NOX3: variants seen among roughly 807,000 people sequenced by gnomAD.
NOX3 encodes NADPH oxidase 3, also known as NADPH oxidase catalytic subunit-like 3.
Under a neutral mutation model 76.7 loss-of-function variants are expected in NOX3, and 74 were observed. The observed-to-expected ratio is 0.96, with a 90% CI of 0.80 to 1.17. The LOEUF is 1.17. Among genes scored for constraint, NOX3 ranks in the 50% most tolerant of loss-of-function variants. NOX3 has a pLI of 0.00. For missense variants in NOX3, 695 were observed against 703.3 expected, an observed-to-expected ratio of 0.99 and a Z score of 0.13; for synonymous variants, 263 against 261.1, an observed-to-expected ratio of 1.01 and a Z score of -0.07.
At chr6:155,399,278 G>A (rs1280630454) in intron 12 of NOX3, among the ~76,000 whole-genome samples, 1 of 152,142 alleles carries the variant, frequency 6.6e-6, no homozygotes, top group Non-Finnish European at 1.5e-5. Context: ...CTGCTCTTTC[G>A]TTTGCAGCAA....
chr6:155,437,727 A>G (rs1159134541), intron 6 of NOX3, among the ~76,000 whole-genome samples: 1 of 152,214 alleles, frequency 6.6e-6, no homozygotes, highest in Admixed American at 6.5e-5. Context: ...ATAGTGTCTA[A>G]AAGAAGCCTC....
At chr6:155,405,473 C>T (rs1233158347) in intron 12 of NOX3, among the ~76,000 whole-genome samples, 2 of 152,180 alleles carry the variant, frequency 1.3e-5, no homozygotes, top group Admixed American at 6.5e-5. Context: ...TCCAAACAGT[C>T]CATGTGCTCA....
In NOX3 at chr6:155,429,044, C is replaced by A. The variant is rs1191226914; in HGVS notation, c.895G>T (p.Val299Leu). The change falls in exon 9 of 14, where the codon GTA becomes TTA. Residue 299 changes from valine (V) to leucine (L), a missense_variant. Transcript: ENST00000159060. ...FQQEVVITKV[V>L]SHPSGVLELH... is the part of the protein sequence containing the mutation. Reference sequence around the variant, plus strand: ...TCCAGGACTCCAGAGGGGTGGCTTACCACCTATGTGAGAGTGAGAGAGTTG... The same window carrying A: ...TCCAGGACTCCAGAGGGGTGGCTTAACACCTATGTGAGAGTGAGAGAGTTG... 4 of 1,590,184 alleles carry A rather than the reference C, an allele frequency of 2.5e-6. No individual in the cohort carries two copies. The South Asian group carries it at 4.5e-5, about 18-fold the overall frequency.
chr6:155,427,445 C>T (rs1393676413), intron 9 of NOX3, among the ~76,000 whole-genome samples: 1 of 152,200 alleles, frequency 6.6e-6, no homozygotes, highest in African/African-American at 2.4e-5. Context: ...TCCATATTGG[C>T]CCCAGGGCTT....
chr6:155,403,569 A>G (rs1779262438), intron 12 of NOX3, among the ~76,000 whole-genome samples: 1 of 152,174 alleles, frequency 6.6e-6, no homozygotes. Context: ...AAGGAGAGAG[A>G]GTTTGCATAG....
At chr6:155,454,782 G>T in intron 3 of NOX3, 29 bp downstream of exon 3, 2 of 1,289,060 alleles carry the variant, frequency 1.6e-6, no homozygotes, top group South Asian at 1.3e-5. Context: ...CGTAACAGTT[G>T]AGATTATTTC....
chr6:155,421,574 T>A (rs780881446), intron 10 of NOX3, among the ~76,000 whole-genome samples: 3 of 152,154 alleles, frequency 2.0e-5, no homozygotes, highest in Non-Finnish European at 4.4e-5. Context: ...TCTGCGGAAC[T>A]TTTTTTAGAG....
At chr6:155,438,862 G>A (rs1211082625) in intron 6 of NOX3, among the ~76,000 whole-genome samples, 2 of 152,234 alleles carry the variant, frequency 1.3e-5, no homozygotes, top group Non-Finnish European at 2.9e-5. Flanking sequence ...CTGTGGTGCG[G>A]GAACAGAGGA....
intron 4 of NOX3, among the ~76,000 whole-genome samples, chr6:155,451,934 C>G (rs1028963852): frequency 6.6e-6 from 1 of 152,134 alleles, no homozygotes; most frequent in African/African-American, 2.4e-5. Context: ...GGCCTCTTTT[C>G]TGATGTCTTT....
chr6:155,428,911 G>A lies in NOX3; in HGVS notation c.1028C>T (p.Ala343Val), dbSNP rs764157666. ...LEWHPFTLTSAPQEDFFSVHI... is the reference protein window; with the variant it reads ...LEWHPFTLTSVPQEDFFSVHI... ...CACGCTGAAAAAGTCCTCCTGGGGG[G>A]CAGAGGTAAGGGTGAAGGGGTGCCA... The change falls in exon 9 of 14, where the codon GCC (alanine) becomes GTC (valine). Residue 343 changes from alanine (A) to valine (V), a missense_variant. By Grantham distance (64) the Ala-to-Val change is moderately conservative. Coordinates refer to ENST00000159060, the MANE Select transcript of NOX3 (RefSeq NM_015718.3). 1.2e-6 allele frequency: 2 copies of A among 1,613,758 alleles called. No homozygotes were observed. Among genetic ancestry groups the A allele is most frequent in the African/African-American group, 2.7e-5 (2 of 74,884 alleles).
intron 5 of NOX3, among the ~76,000 whole-genome samples, chr6:155,441,395 A>G (rs1002252050): frequency 2.0e-5 from 3 of 152,244 alleles, no homozygotes; most frequent in Non-Finnish European, 2.9e-5. Flanking sequence ...ACCTTCAGGC[A>G]TTTTAGAAAT....
At chr6:155,429,813 G>A (rs975575485) in intron 8 of NOX3, among the ~76,000 whole-genome samples, 1 of 152,194 alleles carries the variant, frequency 6.6e-6, no homozygotes, top group African/African-American at 2.4e-5. Context: ...TACTGTGACA[G>A]TATTTTTCCG....
intron 10 of NOX3, among the ~76,000 whole-genome samples, chr6:155,413,358 G>C (rs970153478): frequency 6.6e-6 from 1 of 152,004 alleles, no homozygotes; most frequent in African/African-American, 2.4e-5. Context: ...GGGGAGGGCT[G>C]GGGGAGCCAT....
intron 12 of NOX3, among the ~76,000 whole-genome samples, chr6:155,401,019 A>G (rs189189589): frequency 6.6e-6 from 1 of 152,344 alleles, no homozygotes; most frequent in African/African-American, 2.4e-5. Context: ...GGAATGGTAG[A>G]GCCATTTTTG....
chr6:155,411,124 A>G, intron 11 of NOX3, 90 bp downstream of exon 11: 1 of 981,168 alleles, frequency 1.0e-6, no homozygotes, highest in Non-Finnish European at 1.5e-6. Context: ...TCATGCTATC[A>G]GAGTGCTACA....
rs146860451 is a variant in NOX3 at position 155,439,941 on chromosome 6, G to A, written c.668+15C>T. On this transcript the variant is annotated intron_variant, in intron 6 of 13. Transcript: ENST00000159060. ...AGAGATAAAATCCTTGCAGAGGAGC[G>A]CAGTATGGACTTACCCCGTCCCATG... 111 of 1,603,304 alleles carry A rather than the reference G, an allele frequency of 6.9e-5. No homozygotes were observed. The highest frequency in any genetic ancestry group is 8.4e-5 in the Non-Finnish European group (99 of 1,175,468).
At chr6:155,430,776 A>C in intron 8 of NOX3, 67 bp downstream of exon 8, 1 of 997,712 alleles carries the variant, frequency 1.0e-6, no homozygotes, top group Non-Finnish European at 1.6e-6. Context: ...CAAATTAAAA[A>C]TTTGGGCTAA....
intron 13 of NOX3, among the ~76,000 whole-genome samples, chr6:155,395,962 G>A (rs904535627): frequency 6.6e-6 from 1 of 152,008 alleles, no homozygotes; most frequent in African/African-American, 2.4e-5. Context: ...AAAGAAGGAA[G>A]AAAAGAAAAC....
At position 155,396,796 on chromosome 6, in the gene NOX3, T is replaced by C; in HGVS notation, c.*27+13A>G. 2 of 1,586,480 alleles carry C rather than the reference T, an allele frequency of 1.3e-6. No homozygotes were observed. Among genetic ancestry groups the C allele is most frequent in the South Asian group, 2.3e-5 (2 of 87,116 alleles). On this transcript the variant is annotated intron_variant, in intron 13 of 13. Coordinates refer to ENST00000159060, the MANE Select transcript of NOX3 (RefSeq NM_015718.3). The stretch of plus-strand genomic sequence containing the variant: ...TTTCCCAATCCCTGACCTGTATGAT[T>C]GCAGCCACTTACACAATGCCTGGAC...
Sources: allele counts gnomAD v4.1 joint callset (sites outside exome capture counted in the v4.1 genomes callset), GRCh38; gene constraint gnomAD v4.1.1; transcripts MANE v1.5; gene names NCBI Gene and HGNC (gene_info 2026-07-23, HGNC 2026-07-21).